RTCA: variants seen among roughly 807,000 people sequenced by gnomAD.
RTCA encodes RNA terminal phosphate cyclase domain 1.
RTCA carries 37 observed loss-of-function variants against 46.1 expected under a neutral mutation model. That is an observed-to-expected ratio of 0.80 (90% CI 0.62 to 1.06). The LOEUF is 1.06. Among genes scored for constraint, RTCA ranks in the 50% least tolerant of loss-of-function variants. The probability of loss-of-function intolerance (pLI) is 0.00; values close to 1 mark genes in which losing one functional copy is unlikely to be tolerated. For missense variants in RTCA, 435 were observed against 455.5 expected (o/e 0.95, Z 0.41); for synonymous variants, 164 against 158.3 (o/e 1.04, Z -0.27).
At chr1:100,277,707 C>T (rs1223967762) in intron 8 of RTCA, among the ~76,000 whole-genome samples, 3 of 152,030 alleles carry the variant, frequency 2.0e-5, no homozygotes. Context: ...ATTTTTACAC[C>T]TGAAGAATTT....
At chr1:100,270,239 T>G (rs1010733640) in intron 3 of RTCA, among the ~76,000 whole-genome samples, 1 of 152,224 alleles carries the variant, frequency 6.6e-6, no homozygotes, top group Non-Finnish European at 1.5e-5. Context: ...CTTTTTTACT[T>G]TTTTGTAATA....
chr1:100,266,701 G>C (rs751728542), intron 2 of RTCA, 77 bp downstream of exon 2: 51 of 1,257,202 alleles, frequency 4.1e-5, no homozygotes, highest in Non-Finnish European at 5.6e-5. Context: ...GGGGCATCGG[G>C]AGTCCGAGTG....
In RTCA at chr1:100,292,209, C is replaced by G. The variant is rs1570896762; in HGVS notation, c.*705C>G. The G allele has an allele frequency of 6.6e-6, 1 of 152,310 alleles. No individual in the cohort carries two copies. 9.4% of individuals were successfully genotyped at this position (152,310 alleles called of 1,614,324 possible). ...GTGGGATTACAGGCGTGAGCCAGTG[C>G]ACCCGGCAACAATAACATTTAATAG... is the stretch of plus-strand genomic sequence containing the variant. On this transcript the variant is annotated 3_prime_UTR_variant, in exon 11 of 11. Transcript: ENST00000370128.
At chr1:100,272,938 G>A (rs1666177574) in intron 4 of RTCA, among the ~76,000 whole-genome samples, 2 of 152,246 alleles carry the variant, frequency 1.3e-5, no homozygotes, top group South Asian at 4.1e-4. Context: ...TTCAGATTTT[G>A]TTTAGGAATA....
chr1:100,274,932 A>C lies in RTCA; in HGVS notation c.582A>C (p.Gly194=), dbSNP rs780598635. 1.2e-6 allele frequency: 2 copies of C among 1,611,496 alleles called. No individual in the cohort carries two copies. Among genetic ancestry groups the C allele is most frequent in the Admixed American group, 3.3e-5 (2 of 59,968 alleles). ...GTGGCTGTGTGACTAAGATATATGG[A>C]AGAGCTTTCGTTGCTGGTGTTTTGC... ...TERGCVTKIY[G]RAFVAGVLPF... is the part of the protein sequence containing the mutation. The change falls in exon 6 of 11, where the codon GGA becomes GGC. Residue 194 remains glycine, a synonymous_variant. Coordinates refer to ENST00000370128, the MANE Select transcript of RTCA (RefSeq NM_003729.4).
chr1:100,275,002 G>C (rs763356144), intron 6 of RTCA, 37 bp downstream of exon 6: 1 of 1,534,566 alleles, frequency 6.5e-7, no homozygotes, highest in South Asian at 1.2e-5. Context: ...TAAAATATAT[G>C]TGTGTCTTGA....
At chr1:100,269,000 G>A (rs1665935708) in intron 3 of RTCA, among the ~76,000 whole-genome samples, 1 of 150,744 alleles carries the variant, frequency 6.6e-6, no homozygotes, top group African/African-American at 2.4e-5. Context: ...ACCAGCCTGG[G>A]CAACATGGCA....
intron 8 of RTCA, among the ~76,000 whole-genome samples, chr1:100,284,036 A>G (rs562429088): frequency 2.2e-4 from 34 of 152,056 alleles, no homozygotes; most frequent in African/African-American, 8.2e-4. Flanking sequence ...TATCATATAT[A>G]ATCAAGTAAA....
chr1:100,267,472 T>TA, intron 2 of RTCA: 1 of 1,518,370 alleles, frequency 6.6e-7, no homozygotes, highest in Non-Finnish European at 8.9e-7. Flanking sequence ...GAGTGGAGCT[T>TA]AAACAACAGA....
chr1:100,275,747 CATT>C (rs1178625375), intron 7 of RTCA, 24 bp downstream of exon 7: 9 of 1,588,610 alleles, frequency 5.7e-6, no homozygotes, highest in Admixed American at 5.4e-5. Context: ...TTTTCCTACA[CATT>C]AGTTGAGAAC....
chr1:100,288,139 C>T (rs1376282152), intron 10 of RTCA, among the ~76,000 whole-genome samples: 2 of 152,100 alleles, frequency 1.3e-5, no homozygotes, highest in Non-Finnish European at 2.9e-5. Flanking sequence ...CATCATGAAA[C>T]TAATGTAATT....
chr1:100,270,527 G>A (rs747552871), intron 3 of RTCA, 30 bp from the exon 4 acceptor site: 1 of 1,600,566 alleles, frequency 6.2e-7, no homozygotes. Flanking sequence ...AAAAGAAAAT[G>A]AAAATAAGCC....
At chr1:100,277,790 A>G (rs564862930) in intron 8 of RTCA, among the ~76,000 whole-genome samples, 31 of 151,116 alleles carry the variant, frequency 2.1e-4, no homozygotes, top group African/African-American at 6.6e-4. Flanking sequence ...AGCGATGTGG[A>G]ATTTTTTTTT....
intron 9 of RTCA, among the ~76,000 whole-genome samples, chr1:100,286,228 G>T (rs189757733): frequency 1.0e-3 from 156 of 152,040 alleles, no homozygotes; most frequent in African/African-American, 3.1e-3. Flanking sequence ...CGAGGTGGGC[G>T]GATCACGAGG....
rs947431800 is a variant in RTCA at position 100,291,442 on chromosome 1, G to A, written c.1039G>A (p.Ala347Thr). 8 of 1,612,260 alleles carry A rather than the reference G, an allele frequency of 5.0e-6. No individual in the cohort carries two copies. Among genetic ancestry groups the A allele is most frequent in the East Asian group, 2.2e-5 (1 of 44,774 alleles). ...GAAGAAATCAGAAGATGAAGAAGAC[G>A]CCGCTAAAGATACTTATATTATTGA... ...IVKKSEDEEDAAKDTYIIECQ... is the reference protein window; with the variant it reads ...IVKKSEDEEDTAKDTYIIECQ... The change falls in exon 11 of 11, where the codon GCC becomes ACC. Residue 347 changes from alanine to threonine, a missense_variant. By Grantham distance (58) the Ala-to-Thr change is moderately conservative. Coordinates refer to ENST00000370128, the MANE Select transcript of RTCA (RefSeq NM_003729.4).
intron 5 of RTCA, among the ~76,000 whole-genome samples, chr1:100,273,670 T>G (rs1666220396): frequency 6.6e-6 from 1 of 152,312 alleles, no homozygotes; most frequent in African/African-American, 2.4e-5. Context: ...GGGAAAATAT[T>G]TTCAAGGGAA....
Position 100,266,570 on chromosome 1 carries a change from G to A in RTCA, c.92G>A (p.Gly31Asp), listed in dbSNP as rs145863607. ...RVSTALSCLL[G>D]LPLRVQKIRA... ...TCTACGGCCTTGAGCTGTCTCCTAG[G>A]CCTCCCCTTGCGGGTGCAGAAGATC... The change falls in exon 2 of 11, where the codon GGC (glycine) becomes GAC (aspartate). Residue 31 changes from glycine to aspartate, a missense_variant. Physicochemically the swap from Gly to Asp is moderately conservative, Grantham distance 94. Coordinates refer to ENST00000370128, the MANE Select transcript of RTCA (RefSeq NM_003729.4). 427 of 1,613,976 alleles carry A rather than the reference G, an allele frequency of 2.6e-4. 2 individuals carry two copies. In the African/African-American group the frequency reaches 4.8e-3, roughly 18 times the overall value.
chr1:100,283,185 AT>A (rs1666809434), intron 8 of RTCA, among the ~76,000 whole-genome samples: 5 of 76,670 alleles, frequency 6.5e-5, no homozygotes, highest in Non-Finnish European at 1.1e-4. Flanking sequence ...TTTTTTTTTA[AT>A]TTTGAGACAG....
intron 5 of RTCA, among the ~76,000 whole-genome samples, chr1:100,273,734 T>G (rs1279918490): frequency 6.6e-6 from 1 of 152,212 alleles, no homozygotes; most frequent in East Asian, 1.9e-4. Flanking sequence ...CCAGCACAGC[T>G]TAAGTGCTCA....
Sources: allele counts gnomAD v4.1 joint callset (sites outside exome capture counted in the v4.1 genomes callset), GRCh38; gene constraint gnomAD v4.1.1; transcripts MANE v1.5; gene names NCBI Gene and HGNC (gene_info 2026-07-23, HGNC 2026-07-21).